The following LONRF2 variants were observed in gnomAD, a reference collection of about 807,000 sequenced individuals.
LONRF2 encodes the protein LON peptidase N-terminal domain and ring finger 2, also known as LON peptidase N-terminal domain and RING finger protein 2.
A neutral mutation model predicts 66.6 loss-of-function variants in LONRF2; 35 were observed. The observed-to-expected ratio is 0.53, with a 90% CI of 0.40 to 0.70. The LOEUF is 0.70. Ranked by LOEUF, LONRF2 falls within the 30% of genes least tolerant of loss-of-function variation. The pLI, the probability that LONRF2 is intolerant of heterozygous loss-of-function variation, is 0.00. For missense variants in LONRF2, 902 were observed against 1,002.1 expected, an observed-to-expected ratio of 0.90 and a Z score of 1.35; for synonymous variants, 417 against 418.1, an observed-to-expected ratio of 1.00 and a Z score of 0.03.
intron 11 of LONRF2, among the ~76,000 whole-genome samples, chr2:100,286,702 A>G (rs553121495): frequency 6.6e-6 from 1 of 152,324 alleles, no homozygotes; most frequent in South Asian, 2.1e-4. Context: ...TAGAAAAGAA[A>G]TTATGTTCTG....
chr2:100,290,545 C>A, intron 9 of LONRF2, 125 bp from the exon 10 acceptor site: 2 of 932,942 alleles, frequency 2.1e-6, no homozygotes, highest in Non-Finnish European at 3.2e-6. Context: ...CCACATCAGA[C>A]CAGCAAGGTT....
chr2:100,318,387 C>A (rs559437718), intron 1 of LONRF2, among the ~76,000 whole-genome samples: 1 of 152,208 alleles, frequency 6.6e-6, no homozygotes, highest in South Asian at 2.1e-4. Context: ...ATTTTAAATT[C>A]CACTCATAAC....
At position 100,321,560 on chromosome 2, in the gene LONRF2, G is replaced by C. The variant is rs766216486; in HGVS notation, c.534C>G (p.Arg178=). The C allele has an allele frequency of 1.4e-5, 22 of 1,540,538 alleles. No homozygotes were observed. The highest frequency in any genetic ancestry group is 1.6e-5 in the Non-Finnish European group (19 of 1,155,708). The change falls in exon 1 of 12, where the codon CGC becomes CGG. Residue 178 remains arginine, a synonymous_variant. Coordinates refer to ENST00000393437, the MANE Select transcript of LONRF2 (RefSeq NM_198461.4). The stretch of plus-strand genomic sequence containing the variant: ...GCAGGCCGCTCAGCACCACGTTCAC[G>C]CGCCGCACCTGCGGCCGCGCGGGCC... ...EPGPARPQVR[R]VNVVLSGLLE...
intron 7 of LONRF2, among the ~76,000 whole-genome samples, chr2:100,296,408 G>T (rs1675068499): frequency 6.6e-6 from 1 of 152,154 alleles, no homozygotes; most frequent in African/African-American, 2.4e-5. Flanking sequence ...ATTCAGAAAG[G>T]GTAAGGGGTC....
rs1022708224 is a variant in LONRF2 at position 100,277,322 on chromosome 2, G to A, written c.*6976C>T. ...TACCCTATTAAAGCAGTAAATGGCT[G>A]GATGCCTACTGGGCTCTCCTGGACA... On this transcript the variant is annotated 3_prime_UTR_variant, in exon 12 of 12. Transcript: ENST00000393437. 1 of 152,170 alleles carries A rather than the reference G, an allele frequency of 6.6e-6. No individual in the cohort carries two copies. Among genetic ancestry groups the A allele is most frequent in the Non-Finnish European group, 1.5e-5 (1 of 68,062 alleles). 9.4% of individuals were successfully genotyped at this position (152,170 alleles called of 1,614,324 possible).
In LONRF2 at chr2:100,284,249, A is replaced by C. The variant is rs751010182; in HGVS notation, c.*49T>G. 7 of 1,438,904 alleles carry C rather than the reference A, an allele frequency of 4.9e-6. No individual in the cohort carries two copies. The highest frequency in any genetic ancestry group is 6.5e-6 in the Non-Finnish European group (7 of 1,083,244). The allele number at this position is 1,438,904 out of a possible 1,614,324, so 89.1% of individuals were successfully genotyped here. On this transcript the variant is annotated 3_prime_UTR_variant, in exon 12 of 12. Transcript: ENST00000393437. ...ATGGACGGCTATTCGTCCATGCCTG[A>C]CATTTATAAAAGCACAAGGGCTGCC... is the stretch of plus-strand genomic sequence containing the variant.
rs1468847874 is a variant in LONRF2 at position 100,279,371 on chromosome 2, C to G, written c.*4927G>C. Reference sequence around the variant, plus strand: ...CTACATTCTTGACTAATGCCACACACATGAGAGACTCAGCTATGGGCCAGC... The same window carrying G: ...CTACATTCTTGACTAATGCCACACAGATGAGAGACTCAGCTATGGGCCAGC... On this transcript the variant is annotated 3_prime_UTR_variant, in exon 12 of 12. Coordinates refer to ENST00000393437, the MANE Select transcript of LONRF2 (RefSeq NM_198461.4). The G allele has an allele frequency of 6.6e-6, 1 of 151,296 alleles. No individual in the cohort carries two copies. Among genetic ancestry groups the G allele is most frequent in the East Asian group, 1.9e-4 (1 of 5,146 alleles). The allele number at this position is 151,296 out of a possible 1,614,324, so 9.4% of individuals were successfully genotyped here. A position where few individuals can be genotyped will look rare whatever the true frequency, so the allele number is the denominator to read the frequency against.
intron 1 of LONRF2, among the ~76,000 whole-genome samples, chr2:100,313,345 A>G (rs905724403): frequency 2.6e-5 from 4 of 152,154 alleles, no homozygotes; most frequent in South Asian, 2.1e-4. Context: ...AAGTAAAAAA[A>G]TTAGTCAGGT....
chr2:100,300,473 A>T (rs954661399), intron 4 of LONRF2, among the ~76,000 whole-genome samples, 171 bp downstream of exon 4: 1 of 152,190 alleles, frequency 6.6e-6, no homozygotes, highest in African/African-American at 2.4e-5. Flanking sequence ...TTACTTCCAT[A>T]GACTTCATGT....
At chr2:100,299,038 C>G (rs1675126208) in intron 6 of LONRF2, 88 bp from the exon 7 acceptor site, 1 of 1,055,226 alleles carries the variant, frequency 9.5e-7, no homozygotes, top group African/African-American at 1.6e-5. Context: ...CTTATGCAAT[C>G]CCCTTTCTGT....
intron 7 of LONRF2, 39 bp from the exon 8 acceptor site, chr2:100,295,592 T>A: frequency 6.3e-7 from 1 of 1,596,164 alleles, no homozygotes; most frequent in Non-Finnish European, 8.5e-7. Context: ...GTATGGTAAT[T>A]GATTCTAAAG....
chr2:100,292,515 C>CT (rs758663485), intron 9 of LONRF2, among the ~76,000 whole-genome samples: 1 of 152,266 alleles, frequency 6.6e-6, no homozygotes, highest in Non-Finnish European at 1.5e-5. Flanking sequence ...CCTTCACTCT[C>CT]TGATGGCTTC....
intron 1 of LONRF2, among the ~76,000 whole-genome samples, chr2:100,313,905 A>G (rs1269382550): frequency 6.6e-6 from 1 of 152,142 alleles, no homozygotes; most frequent in Non-Finnish European, 1.5e-5. Context: ...TCTTATTGTT[A>G]TATGTCTCAG....
rs761796001 is a variant in LONRF2, at chr2:100,290,430, C to G, written c.1758-10G>C. ...TCCATACTCTGAAAGCCTGAAAAGA[C>G]AGTTAGGAGAAATGACTGTGATTTT... On this transcript the variant is annotated splice_polypyrimidine_tract_variant and intron_variant, in intron 9 of 11. Coordinates refer to ENST00000393437, the MANE Select transcript of LONRF2 (RefSeq NM_198461.4). The G allele has an allele frequency of 1.9e-6, 3 of 1,597,178 alleles. No homozygotes were observed. The highest frequency in any genetic ancestry group is 2.2e-5 in the East Asian group (1 of 44,596).
rs373646225 is a variant in LONRF2 at position 100,281,021 on chromosome 2, AAGG to A, written c.*3274_*3276del. On this transcript the variant is annotated 3_prime_UTR_variant, in exon 12 of 12. Coordinates refer to ENST00000393437, the MANE Select transcript of LONRF2 (RefSeq NM_198461.4). ...GTGGTGGGGCACAAAAGAAAACAAG[AAGG>A]AGAAGAAACAGATGGGTATTTTTTT... 65 of 152,348 alleles carry A rather than the reference AAGG, an allele frequency of 4.3e-4. No individual in the cohort carries two copies. Among genetic ancestry groups the A allele is most frequent in the African/African-American group, 1.5e-3 (62 of 41,586 alleles). The allele number at this position is 152,348 out of a possible 1,614,324, so 9.4% of individuals were successfully genotyped here. A position where few individuals can be genotyped will look rare whatever the true frequency, so the allele number is the denominator to read the frequency against.
chr2:100,284,579 C>G (rs373358059), intron 11 of LONRF2, 87 bp from the exon 12 acceptor site: 1 of 1,123,702 alleles, frequency 8.9e-7, no homozygotes, highest in Non-Finnish European at 1.2e-6. Flanking sequence ...CCAACAGACA[C>G]GTGAGCAAGA....
At chr2:100,302,034 A>T (rs1288003405) in intron 3 of LONRF2, among the ~76,000 whole-genome samples, 1 of 152,224 alleles carries the variant, frequency 6.6e-6, no homozygotes, top group Non-Finnish European at 1.5e-5. Context: ...TGAAGTTCTT[A>T]CTTTTAAAAA....
At chr2:100,292,668 A>T (rs894728949) in intron 9 of LONRF2, among the ~76,000 whole-genome samples, 5 of 152,120 alleles carry the variant, frequency 3.3e-5, no homozygotes, top group Admixed American at 6.6e-5. Flanking sequence ...GACTTTAATC[A>T]AATTTTCATA....
Position 100,322,080 on chromosome 2 carries a change from G to A in LONRF2, c.14C>T (p.Pro5Leu), listed in dbSNP as rs1295685142. The change falls in exon 1 of 12, where the codon CCG (proline) becomes CTG (leucine). Residue 5 changes from proline to leucine, a missense_variant. Coordinates refer to ENST00000393437, the MANE Select transcript of LONRF2 (RefSeq NM_198461.4). ...CTGGGGCGGCGGCGGCGGCGGGACC[G>A]GCTCGGGGCTCATCACCGCGGGGCT... The part of the protein sequence containing the change: MSPE[P>L]VPPPPPPQCP... 2.0e-5 allele frequency: 26 copies of A among 1,283,534 alleles called. No individual in the cohort carries two copies. The highest frequency in any genetic ancestry group is 2.3e-5 in the Non-Finnish European group (23 of 1,016,990). 79.5% of individuals were successfully genotyped at this position (1,283,534 alleles called of 1,614,324 possible).
Sources: allele counts gnomAD v4.1 joint callset (sites outside exome capture counted in the v4.1 genomes callset), GRCh38; gene constraint gnomAD v4.1.1; transcripts MANE v1.5; gene names NCBI Gene and HGNC (gene_info 2026-07-23, HGNC 2026-07-21).